RPS27A: variants seen among roughly 807,000 people sequenced by gnomAD.
RPS27A encodes the protein ribosomal protein S27a, also known as ubiquitin-ribosomal protein eS31 fusion protein.
In RPS27A, 1 loss-of-function variant was observed where a neutral mutation model predicts 18.9. The ratio of observed to expected loss-of-function variants is 0.05; its 90% CI spans 0.02 to 0.25. The LOEUF (loss-of-function observed/expected upper bound fraction) is 0.25, where lower values mean the gene tolerates loss of function less well. Ranked by LOEUF, RPS27A falls within the 10% of genes least tolerant of loss-of-function variation. RPS27A has a pLI of 1.00. For synonymous variants in RPS27A, 77 were observed against 63.7 expected, an observed-to-expected ratio of 1.21 and a Z score of -0.99; for missense variants, 123 against 187.4, an observed-to-expected ratio of 0.66 and a Z score of 2.01.
Position 55,235,522 on chromosome 2 carries a change from A to G in RPS27A, c.416A>G (p.His139Arg). ...GVFMASHFDR[H>R]YCGKCCLTYC... Reference sequence around the variant, plus strand: ...TTTATGGCAAGTCACTTTGACAGACATTATTGTGGCAAATGTTGTCTGACT... The same window carrying G: ...TTTATGGCAAGTCACTTTGACAGACGTTATTGTGGCAAATGTTGTCTGACT... The change falls in exon 6 of 6, where the codon CAT (histidine) becomes CGT (arginine). Residue 139 changes from histidine (H) to arginine (R), a missense_variant. By Grantham distance (29) the His-to-Arg change is conservative (BLOSUM62 0). This residue lies in a region of RPS27A where 57 missense variants were observed against 114.8 expected (regional missense o/e 0.50). Coordinates refer to ENST00000272317, the MANE Select transcript of RPS27A (RefSeq NM_002954.6). 2 of 1,609,564 alleles carry G rather than the reference A, an allele frequency of 1.2e-6. No individual in the cohort carries two copies. The highest frequency in any genetic ancestry group is 1.7e-6 in the Non-Finnish European group (2 of 1,180,002).
chr2:55,233,487 T>G (rs1675608448), intron 3 of RPS27A, 70 bp downstream of exon 3: 1 of 1,062,092 alleles, frequency 9.4e-7, no homozygotes, highest in South Asian at 1.3e-5. Flanking sequence ...GTGCTAGACA[T>G]ACCTGCTCTT....
Position 55,234,134 on chromosome 2 carries a change from A to G in RPS27A, c.119A>G (p.Gln40Arg), listed in dbSNP as rs1384675348. ...TTGTCATTAGGAATTCCTCCTGATC[A>G]GCAGAGACTGATCTTTGCTGGCAAG... ...IQDKEGIPPD[Q>R]QRLIFAGKQL... The change falls in exon 4 of 6, where the codon CAG becomes CGG. Residue 40 changes from glutamine to arginine, a missense_variant. Gln to Arg is a conservative substitution (Grantham distance 43). Coordinates refer to ENST00000272317, the MANE Select transcript of RPS27A (RefSeq NM_002954.6). 1 of 1,613,610 alleles carries G rather than the reference A, an allele frequency of 6.2e-7. No individual in the cohort carries two copies. The highest frequency in any genetic ancestry group is 8.5e-7 in the Non-Finnish European group (1 of 1,179,502).
intron 4 of RPS27A, 123 bp from the exon 5 acceptor site, chr2:55,234,708 G>A (rs910147309): frequency 9.2e-7 from 1 of 1,092,026 alleles, no homozygotes; most frequent in Middle Eastern, 2.9e-4. Flanking sequence ...TGGGTTTGGG[G>A]GCTGCAAGAT....
chr2:55,234,548 CAGT>C (rs1233652259), intron 4 of RPS27A: 2 of 550,414 alleles, frequency 3.6e-6, no homozygotes, highest in African/African-American at 1.9e-5. Context: ...ATTCGAATAG[CAGT>C]AGATTTTTAG....
chr2:55,232,364 G>C (rs1675502554), upstream of RPS27A: 1 of 274,326 alleles, frequency 3.6e-6, no homozygotes, highest in African/African-American at 2.2e-5. Flanking sequence ...ACAGTTCCCA[G>C]AATGCACTTC....
chr2:55,234,282 C>T, intron 4 of RPS27A, 78 bp downstream of exon 4: 2 of 1,007,838 alleles, frequency 2.0e-6, no homozygotes, highest in Non-Finnish European at 3.1e-6. Context: ...TTTTTTGAGA[C>T]AGGCTCTGAC....
intron 4 of RPS27A, 183 bp from the exon 5 acceptor site, chr2:55,234,648 G>A (rs1351264580): frequency 1.5e-6 from 1 of 675,586 alleles, no homozygotes; most frequent in Non-Finnish European, 2.6e-6. Context: ...GTAATGTAAT[G>A]CATTCTTTAA....
At chr2:55,233,186 A>C in intron 2 of RPS27A, 177 bp from the exon 3 acceptor site, 2 of 695,014 alleles carry the variant, frequency 2.9e-6, no homozygotes, top group Non-Finnish European at 5.2e-6. Flanking sequence ...TGGGCTGGGG[A>C]GATGAAGGTG....
chr2:55,234,339 CCT>C, intron 4 of RPS27A, 135 bp downstream of exon 4: 1 of 700,830 alleles, frequency 1.4e-6, no homozygotes, highest in Admixed American at 2.2e-5. Flanking sequence ...GCAACCTCCA[CCT>C]CTCAGACTCA....
chr2:55,235,200 T>G lies in RPS27A; in HGVS notation c.322-228T>G, dbSNP rs1051081596. ...AAAGTCGGGTTTGGGTTCAGGTCTT[T>G]ACCTTTGTCTACCACTTGCAAAGCT... On this transcript the variant is annotated intron_variant, in intron 5 of 5. Transcript: ENST00000272317. 4.4e-5 allele frequency: 30 copies of G among 686,606 alleles called. No homozygotes were observed. In the Admixed American group the frequency reaches 4.6e-4, roughly 11 times the overall value. 42.5% of individuals were successfully genotyped at this position (686,606 alleles called of 1,614,324 possible).
At chr2:55,233,773 C>T (rs1032482003) in intron 3 of RPS27A, 4 of 468,964 alleles carry the variant, frequency 8.5e-6, no homozygotes, top group East Asian at 8.5e-5. Context: ...GGATTACAGG[C>T]GTGCACCACC....
intron 1 of RPS27A, 25 bp downstream of exon 1, chr2:55,232,733 C>G: frequency 2.5e-6 from 3 of 1,205,586 alleles, no homozygotes; most frequent in Non-Finnish European, 3.6e-6. Flanking sequence ...TTCGGCTGCT[C>G]TCGGGTTAGC....
intron 3 of RPS27A, chr2:55,233,721 C>G (rs780910141): frequency 1.0e-5 from 5 of 477,106 alleles, no homozygotes; most frequent in Admixed American, 3.4e-5. Context: ...CTCCGCCTCC[C>G]GGGTTCAAGT....
At chr2:55,235,276 A>AAT in intron 5 of RPS27A, 152 bp from the exon 6 acceptor site, 1 of 873,270 alleles carries the variant, frequency 1.1e-6, no homozygotes, top group Non-Finnish European at 1.9e-6. Flanking sequence ...TCATTGTAGC[A>AAT]ATGATAACTG....
rs60340564 is a variant in RPS27A at position 55,233,475 on chromosome 2, AGGT to A, written c.103+60_103+62del. ...CCTGCGGAGACTTCGGCCTACCTGT[AGGT>A]GCTAGACATACCTGCTCTTGGTGAT... is the stretch of plus-strand genomic sequence containing the variant. On this transcript the variant is annotated intron_variant, in intron 3 of 5. Transcript: ENST00000272317. The A allele has an allele frequency of 7.8e-3, 9,576 of 1,221,246 alleles. 459 individuals are homozygous for A. The African/African-American group carries it at 0.12, about 15-fold the overall frequency. 75.7% of individuals were successfully genotyped at this position (1,221,246 alleles called of 1,614,324 possible).
chr2:55,232,048 C>G (rs144360815), upstream of RPS27A: 2 of 152,470 alleles, frequency 1.3e-5, no homozygotes, highest in African/African-American at 4.8e-5. Flanking sequence ...ATTCCCTTCC[C>G]TTGAAGGCCC....
Position 55,235,836 on chromosome 2 carries a change from T to C in RPS27A, c.*259T>C, listed in dbSNP as rs1430128443. On this transcript the variant is annotated 3_prime_UTR_variant, in exon 6 of 6. Transcript: ENST00000272317. Reference sequence around the variant, plus strand: ...ACTTTGGCAGAAGTTATATTTAATGTAAGTTGTCTAAATATAAGCCAGTTT... The same window carrying C: ...ACTTTGGCAGAAGTTATATTTAATGCAAGTTGTCTAAATATAAGCCAGTTT... 1 of 508,710 alleles carries C rather than the reference T, an allele frequency of 2.0e-6. No homozygotes were observed. Among genetic ancestry groups the C allele is most frequent in the East Asian group, 3.7e-5 (1 of 27,396 alleles). The allele number at this position is 508,710 out of a possible 1,614,324, so 31.5% of individuals were successfully genotyped here.
upstream of RPS27A, chr2:55,232,248 C>T (rs895965946): frequency 5.5e-6 from 1 of 182,952 alleles, no homozygotes; most frequent in African/African-American, 2.4e-5. Flanking sequence ...GAGTCCTTTT[C>T]TCCAAACACC....
At chr2:55,234,056 A>T (rs190381082) in intron 3 of RPS27A, 63 bp from the exon 4 acceptor site, 1 of 1,047,826 alleles carries the variant, frequency 9.5e-7, no homozygotes, top group South Asian at 1.3e-5. Context: ...GTGTTACCTT[A>T]TAAGTCTGGA....
Sources: allele counts gnomAD v4.1 joint callset, GRCh38; gene constraint gnomAD v4.1.1; regional missense constraint gnomAD v4.1.1; transcripts MANE v1.5; gene names NCBI Gene and HGNC (gene_info 2026-07-23, HGNC 2026-07-21).